TMEM243: variants seen among roughly 807,000 people sequenced by gnomAD.
TMEM243 encodes MDR1 and mitochondrial taxol resistance associated.
TMEM243 carries 20 observed loss-of-function variants against 15.0 expected under a neutral mutation model. The ratio of observed to expected loss-of-function variants is 1.33; its 90% CI spans 0.94 to 1.93. The LOEUF (loss-of-function observed/expected upper bound fraction) is 1.93. Ranked by LOEUF, TMEM243 falls within the 30% of genes most tolerant of loss-of-function variation. TMEM243 has a pLI of 0.00. For synonymous variants in TMEM243, 72 were observed against 52.7 expected, an observed-to-expected ratio of 1.37 and a Z score of -1.59; for missense variants, 156 against 142.1, an observed-to-expected ratio of 1.10 and a Z score of -0.50.
At chr7:87,205,150 C>G (rs530209375) in intron 1 of TMEM243, among the ~76,000 whole-genome samples, 3 of 152,352 alleles carry the variant, frequency 2.0e-5, no homozygotes, top group African/African-American at 7.2e-5. Flanking sequence ...AAGCGGCATA[C>G]AGCAGAGGGG....
In TMEM243 at chr7:87,196,745, C is replaced by G. The variant is rs375982092; in HGVS notation, c.248G>C (p.Arg83Pro). The change falls in exon 4 of 4, where the codon CGA becomes CCA. Residue 83 changes from arginine (R) to proline (P), a missense_variant. Transcript: ENST00000257637. ...AAATTTCGGTTCTAAGTCTCCTTGT[C>G]GATACCAGTAGATCTAAAAGAAGAA... The part of the protein sequence containing the change: ...ITACILIYWY[R>P]QGDLEPKFRK... 1 of 1,570,924 alleles carries G rather than the reference C, an allele frequency of 6.4e-7. No homozygotes were observed. Among genetic ancestry groups the G allele is most frequent in the Non-Finnish European group, 8.7e-7 (1 of 1,148,812 alleles).
chr7:87,219,377 G>C, intron 1 of TMEM243, 49 bp downstream of exon 1: 1 of 1,576,480 alleles, frequency 6.3e-7, no homozygotes, highest in Non-Finnish European at 8.7e-7. Flanking sequence ...CAGAGGGCAG[G>C]CAGCAGACAC....
intron 2 of TMEM243, 150 bp from the exon 3 acceptor site, chr7:87,198,195 A>G (rs1483138291): frequency 1.8e-6 from 1 of 570,054 alleles, no homozygotes; most frequent in East Asian, 3.0e-5. Context: ...TAATACAGTA[A>G]TTATAAATAT....
intron 1 of TMEM243, among the ~76,000 whole-genome samples, chr7:87,211,300 C>CA (rs1802728408): frequency 6.6e-6 from 1 of 152,164 alleles, no homozygotes; most frequent in Admixed American, 6.5e-5. Flanking sequence ...TCCCTACCCA[C>CA]GAGTTCCTCA....
intron 1 of TMEM243, among the ~76,000 whole-genome samples, chr7:87,208,321 C>A (rs917155275): frequency 1.3e-5 from 2 of 152,156 alleles, no homozygotes; most frequent in African/African-American, 4.8e-5. Context: ...ACACACATTC[C>A]AAAATCAGAA....
chr7:87,203,700 CAG>C (rs1801993275), intron 1 of TMEM243, among the ~76,000 whole-genome samples: 1 of 151,456 alleles, frequency 6.6e-6, no homozygotes, highest in Non-Finnish European at 1.5e-5. Flanking sequence ...GGAAGTACAA[CAG>C]AATTTTAAGT....
At chr7:87,198,962 A>T (rs1235297689) in intron 2 of TMEM243, 45 bp downstream of exon 2, 4 of 1,504,164 alleles carry the variant, frequency 2.7e-6, no homozygotes, top group Non-Finnish European at 3.6e-6. Flanking sequence ...AAAGTTTTCA[A>T]AACTGGCTAA....
intron 2 of TMEM243, chr7:87,198,348 C>G (rs535268074): frequency 7.3e-5 from 21 of 287,492 alleles, no homozygotes; most frequent in Admixed American, 1.4e-4. Flanking sequence ...GGTAAAAGTT[C>G]TAGCCATTTT....
At position 87,209,835 on chromosome 7, in the gene TMEM243, A is replaced by AGACAGT. The variant is rs1562885673; in HGVS notation, c.78+9590_78+9591insACTGTC. The stretch of plus-strand genomic sequence containing the variant: ...CAGTGAGAGAGCGAGAGACAGTGAG[A>AGACAGT]GAGAGACAGTGAGAGCGAGAGAGAG... On this transcript the variant is annotated intron_variant, in intron 1 of 3. Coordinates refer to ENST00000257637, the MANE Select transcript of TMEM243 (RefSeq NM_024315.4). Among the ~76,000 whole-genome samples the AGACAGT allele has an allele frequency of 4.4e-5, 6 of 136,868 alleles. 1 individual carries two copies. The highest frequency in any genetic ancestry group is 1.8e-4 in the African/African-American group (6 of 33,610). 89.8% of individuals were successfully genotyped at this position (136,868 alleles called of 152,430 possible).
upstream of TMEM243, chr7:87,220,460 C>CCGG: frequency 6.6e-6 from 1 of 152,290 alleles, no homozygotes; most frequent in Non-Finnish European, 1.5e-5. Context: ...TGCCGAGGCC[C>CCGG]AGGAACGCGG....
chr7:87,204,556 TAAAG>T (rs1802066374), intron 1 of TMEM243, among the ~76,000 whole-genome samples: 1 of 152,048 alleles, frequency 6.6e-6, no homozygotes. Flanking sequence ...CTGGCCAAAA[TAAAG>T]GGGCTACAGG....
Position 87,198,920 on chromosome 7 carries a change from T to C in TMEM243, c.129+87A>G, listed in dbSNP as rs888461023. 9 of 1,209,296 alleles carry C rather than the reference T, an allele frequency of 7.4e-6. No individual in the cohort carries two copies. In the African/African-American group the frequency reaches 1.3e-4, roughly 17 times the overall value. 74.9% of individuals were successfully genotyped at this position (1,209,296 alleles called of 1,614,324 possible). On this transcript the variant is annotated intron_variant, in intron 2 of 3. Coordinates refer to ENST00000257637, the MANE Select transcript of TMEM243 (RefSeq NM_024315.4). The stretch of plus-strand genomic sequence containing the variant: ...GGTAATAAAATTAAAAGCACTTATT[T>C]AGCTTTTTTTGGAAAGTTAACCATA...
At chr7:87,199,092 T>G (rs1477492431) in intron 1 of TMEM243, 35 bp from the exon 2 acceptor site, 1 of 1,567,602 alleles carries the variant, frequency 6.4e-7, no homozygotes, top group Non-Finnish European at 8.7e-7. Context: ...CCATATGACT[T>G]GGATCCATGT....
chr7:87,203,339 A>G (rs879747187), intron 1 of TMEM243, among the ~76,000 whole-genome samples: 1 of 152,170 alleles, frequency 6.6e-6, no homozygotes, highest in Non-Finnish European at 1.5e-5. Flanking sequence ...AAGGCCAGGC[A>G]TGGTGGCTCA....
chr7:87,199,216 A>G (rs2129221210), intron 1 of TMEM243, 159 bp from the exon 2 acceptor site: 1 of 539,308 alleles, frequency 1.9e-6, no homozygotes, highest in South Asian at 3.3e-5. Context: ...AGTGTACTGA[A>G]CCATAAGAGT....
chr7:87,201,450 T>C (rs1801804163), intron 1 of TMEM243, among the ~76,000 whole-genome samples: 1 of 152,168 alleles, frequency 6.6e-6, no homozygotes, highest in Non-Finnish European at 1.5e-5. Context: ...TGCTCTAAAG[T>C]TTAGTCTAAA....
chr7:87,211,927 G>A (rs1480419437), intron 1 of TMEM243, among the ~76,000 whole-genome samples: 2 of 152,206 alleles, frequency 1.3e-5, no homozygotes, highest in Admixed American at 6.5e-5. Context: ...AGTGCCGAGA[G>A]CACGGGATGT....
rs138715377 is a variant in TMEM243 at position 87,215,038 on chromosome 7, T to G, written c.78+4388A>C. Among the ~76,000 whole-genome samples the G allele has an allele frequency of 5.9e-5, 9 of 152,344 alleles. No homozygotes were observed. In the East Asian group the frequency reaches 1.5e-3, roughly 26 times the overall value. On this transcript the variant is annotated intron_variant, in intron 1 of 3. Coordinates refer to ENST00000257637, the MANE Select transcript of TMEM243 (RefSeq NM_024315.4). ...CATTTCGGATTTTGGATTTGGGACATCGCCTGTACTAGCCATACGTGGTAA... is the reference window on the plus strand; with the variant it reads ...CATTTCGGATTTTGGATTTGGGACAGCGCCTGTACTAGCCATACGTGGTAA...
chr7:87,220,410 G>A (rs1449555147), upstream of TMEM243: 1 of 152,368 alleles, frequency 6.6e-6, no homozygotes, highest in Non-Finnish European at 1.5e-5. Context: ...GCCGCGCCGG[G>A]GAGAGTGGGC....
Sources: gnomAD v4.1 joint callset for allele counts (sites outside exome capture counted in the v4.1 genomes callset) on GRCh38, gnomAD v4.1.1 for gene constraint, MANE v1.5 for transcripts, NCBI Gene and HGNC (gene_info 2026-07-23, HGNC 2026-07-21) for gene names.